Variants in ENTREP2 observed in about 807,000 individuals in gnomAD.
ENTREP2 encodes the protein protein ENTREP2.
the ENTREP2 span, chr15:29,268,976 C>T: frequency 3.1e-6 from 5 of 1,614,026 alleles, no homozygotes; most frequent in Admixed American, 5.0e-5. Flanking sequence ...TCGTAGTCGA[C>T]GGGGTCGGTG....
At chr15:29,486,946 T>C in the ENTREP2 span, among the ~76,000 whole-genome samples, 1 of 152,122 alleles carries the variant, frequency 6.6e-6, no homozygotes, top group African/African-American at 2.4e-5. Context: ...TGCAGCTAGA[T>C]AGGAAGCATG....
At chr15:29,192,840 A>G in the ENTREP2 span, among the ~76,000 whole-genome samples, 9 of 152,116 alleles carry the variant, frequency 5.9e-5, no homozygotes, top group Non-Finnish European at 1.3e-4. Flanking sequence ...TCACCATTTG[A>G]GTGGACTGAA....
the ENTREP2 span, among the ~76,000 whole-genome samples, chr15:29,453,259 C>T: frequency 1.3e-5 from 2 of 152,182 alleles, no homozygotes; most frequent in African/African-American, 4.8e-5. Context: ...TACTGTGGTG[C>T]AGTGATCACG....
the ENTREP2 span, among the ~76,000 whole-genome samples, chr15:29,328,121 A>G: frequency 1.3e-5 from 2 of 152,260 alleles, no homozygotes; most frequent in Admixed American, 1.3e-4. Context: ...TGAAGAATCC[A>G]GCCATAAAAC....
the ENTREP2 span, among the ~76,000 whole-genome samples, chr15:29,440,654 C>T: frequency 3.9e-5 from 6 of 152,178 alleles, no homozygotes; most frequent in East Asian, 1.9e-4. Context: ...CTGTGGTTCC[C>T]GTCCTGCCTC....
chr15:29,222,042 G>A, the ENTREP2 span, among the ~76,000 whole-genome samples: 2 of 152,190 alleles, frequency 1.3e-5, no homozygotes, highest in African/African-American at 4.8e-5. Flanking sequence ...ATCTTGGATA[G>A]GGGCTGGGTA....
chr15:29,218,382 C>T, the ENTREP2 span, among the ~76,000 whole-genome samples: 1 of 152,122 alleles, frequency 6.6e-6, no homozygotes, highest in South Asian at 2.1e-4. Flanking sequence ...TGAAAACGAT[C>T]ATACGGCCAA....
chr15:29,288,844 T>C, the ENTREP2 span, among the ~76,000 whole-genome samples: 2 of 152,146 alleles, frequency 1.3e-5, no homozygotes, highest in Non-Finnish European at 2.9e-5. Flanking sequence ...TACATACATA[T>C]ATGTATATAT....
the ENTREP2 span, chr15:29,123,643 C>A: frequency 3.2e-6 from 5 of 1,548,764 alleles, no homozygotes; most frequent in South Asian, 1.2e-5. Flanking sequence ...CGTGGCAGAG[C>A]GAGACATGGA....
chr15:29,308,591 C>T, the ENTREP2 span, among the ~76,000 whole-genome samples: 1 of 152,152 alleles, frequency 6.6e-6, no homozygotes, highest in Non-Finnish European at 1.5e-5. Flanking sequence ...GTTTCTTCCT[C>T]AGCAACACAG....
chr15:29,490,833 C>T, the ENTREP2 span, among the ~76,000 whole-genome samples: 1 of 152,236 alleles, frequency 6.6e-6, no homozygotes, highest in African/African-American at 2.4e-5. Context: ...GTGCCAGGGC[C>T]GAAGGGGAGC....
At chr15:29,519,892 C>T in the ENTREP2 span, among the ~76,000 whole-genome samples, 1 of 152,178 alleles carries the variant, frequency 6.6e-6, no homozygotes, top group Non-Finnish European at 1.5e-5. Context: ...TGCCCCACCC[C>T]AACTAATCAA....
chr15:29,164,251 T>C, the ENTREP2 span, among the ~76,000 whole-genome samples: 5 of 151,978 alleles, frequency 3.3e-5, no homozygotes, highest in Admixed American at 6.6e-5. Context: ...AAAACAAAAA[T>C]ACAAGTTAAA....
the ENTREP2 span, among the ~76,000 whole-genome samples, chr15:29,550,304 A>G: frequency 6.6e-6 from 1 of 152,340 alleles, no homozygotes; most frequent in East Asian, 1.9e-4. Context: ...AAGCAAGTGC[A>G]TATTAAAACA....
the ENTREP2 span, among the ~76,000 whole-genome samples, chr15:29,242,974 C>T: frequency 2.0e-5 from 3 of 152,206 alleles, no homozygotes; most frequent in Non-Finnish European, 4.4e-5. Context: ...GCTGGCAAGG[C>T]AGGGACGTGG....
At chr15:29,575,420 G>A in the ENTREP2 span, among the ~76,000 whole-genome samples, 2 of 152,184 alleles carry the variant, frequency 1.3e-5, no homozygotes, top group Non-Finnish European at 2.9e-5. Flanking sequence ...GTGAGAGACT[G>A]AAAGCTTCTT....
the ENTREP2 span, among the ~76,000 whole-genome samples, chr15:29,377,246 T>C: frequency 6.6e-6 from 1 of 152,176 alleles, no homozygotes; most frequent in East Asian, 1.9e-4. Context: ...TTTCTAGGTC[T>C]TCCTTTCCTT....
the ENTREP2 span, among the ~76,000 whole-genome samples, chr15:29,168,280 C>T: frequency 6.6e-6 from 1 of 152,112 alleles, no homozygotes; most frequent in Non-Finnish European, 1.5e-5. Flanking sequence ...CACTAAAGAA[C>T]TTACTCATGT....
At chr15:29,416,859 A>AAAG in the ENTREP2 span, among the ~76,000 whole-genome samples, 2 of 151,810 alleles carry the variant, frequency 1.3e-5, no homozygotes, top group Admixed American at 6.6e-5. Context: ...ACACTTCTCA[A>AAAG]AAGACATTTA....
Sources: gnomAD v4.1 joint callset for allele counts (sites outside exome capture counted in the v4.1 genomes callset) on GRCh38, gnomAD v4.1.1 for gene constraint, MANE v1.5 for transcripts, NCBI Gene and HGNC (gene_info 2026-07-23, HGNC 2026-07-21) for gene names.